RERE: variants seen among roughly 807,000 people sequenced by gnomAD.
RERE encodes the protein arginine-glutamic acid dipeptide repeats protein.
In RERE, 40 loss-of-function variants were observed where a neutral mutation model predicts 146.1. The observed-to-expected ratio is 0.27, with a 90% CI of 0.21 to 0.36. The LOEUF is 0.36. Among genes scored for constraint, RERE ranks in the 10% least tolerant of loss-of-function variants. RERE has a pLI of 1.00. For missense variants in RERE, 1,933 were observed against 2,138.7 expected (o/e 0.90, Z 1.90); for synonymous variants, 1,003 against 866.0 (o/e 1.16, Z -2.78).
At chr1:8,735,711 G>A (rs758367604) in intron 1 of RERE, among the ~76,000 whole-genome samples, 9 of 152,004 alleles carry the variant, frequency 5.9e-5, no homozygotes, top group African/African-American at 2.2e-4. Flanking sequence ...CCATCCCCTC[G>A]GTGCGAAGTT....
chr1:8,378,710 T>C (rs910832204), intron 12 of RERE, among the ~76,000 whole-genome samples: 4 of 152,220 alleles, frequency 2.6e-5, no homozygotes, highest in Non-Finnish European at 4.4e-5. Flanking sequence ...AAATAAGTTC[T>C]GTTGCTGAAG....
intron 4 of RERE, among the ~76,000 whole-genome samples, chr1:8,592,518 C>T (rs894119508): frequency 2.0e-5 from 3 of 152,032 alleles, no homozygotes; most frequent in South Asian, 2.1e-4. Flanking sequence ...GTGATCCACC[C>T]GCTTCGGCCT....
intron 11 of RERE, among the ~76,000 whole-genome samples, chr1:8,448,864 CAAAA>C (rs200550198): frequency 7.3e-6 from 1 of 137,178 alleles, no homozygotes; most frequent in Non-Finnish European, 1.6e-5. Flanking sequence ...AATAAACAAA[CAAAA>C]AAAAAAAAGG....
At chr1:8,537,800 G>T (rs1557677845) in intron 7 of RERE, among the ~76,000 whole-genome samples, 1 of 151,448 alleles carries the variant, frequency 6.6e-6, no homozygotes. Context: ...TAATCCATCA[G>T]GAACAAAAAA....
At chr1:8,376,770 A>G (rs1177563029) in intron 12 of RERE, among the ~76,000 whole-genome samples, 1 of 152,268 alleles carries the variant, frequency 6.6e-6, no homozygotes, top group Non-Finnish European at 1.5e-5. Flanking sequence ...AGATGTTTGC[A>G]TACACCTACT....
At chr1:8,731,449 G>C (rs139906708) in intron 1 of RERE, among the ~76,000 whole-genome samples, 1 of 152,248 alleles carries the variant, frequency 6.6e-6, no homozygotes, top group African/African-American at 2.4e-5. Flanking sequence ...CTCACAGAAG[G>C]GGTGAGGGGA....
At chr1:8,526,476 TA>T (rs1645572804) in intron 7 of RERE, among the ~76,000 whole-genome samples, 1 of 152,134 alleles carries the variant, frequency 6.6e-6, no homozygotes, top group African/African-American at 2.4e-5. Flanking sequence ...TTTGAAACTC[TA>T]AACATTTTGA....
chr1:8,696,855 A>C (rs1355919311), intron 1 of RERE, among the ~76,000 whole-genome samples: 1 of 152,172 alleles, frequency 6.6e-6, no homozygotes, highest in Non-Finnish European at 1.5e-5. Flanking sequence ...GATTATAGAG[A>C]GCTGAGATTG....
intron 15 of RERE, 98 bp downstream of exon 15, chr1:8,363,958 A>G: frequency 8.8e-7 from 1 of 1,138,728 alleles, no homozygotes; most frequent in Admixed American, 2.0e-5. Context: ...TGTCTGGTAA[A>G]CAAGACTTTC....
intron 3 of RERE, among the ~76,000 whole-genome samples, chr1:8,616,007 C>G (rs1455523063): frequency 6.6e-6 from 1 of 152,156 alleles, no homozygotes; most frequent in East Asian, 1.9e-4. Context: ...TCACCACACA[C>G]CTTCTCCCCA....
chr1:8,621,666 C>A (rs1456920584), intron 3 of RERE, among the ~76,000 whole-genome samples: 1 of 152,232 alleles, frequency 6.6e-6, no homozygotes, highest in Non-Finnish European at 1.5e-5. Flanking sequence ...AATTACTCAA[C>A]ATTTCAAAGC....
intron 1 of RERE, among the ~76,000 whole-genome samples, chr1:8,767,676 C>CT (rs539600062): frequency 1.1e-3 from 121 of 108,474 alleles, no homozygotes; most frequent in African/African-American, 3.6e-3. Context: ...AAAAAGCTTT[C>CT]TTTATTAAAA....
At chr1:8,422,672 G>A (rs1326753667) in intron 12 of RERE, 55 bp downstream of exon 12, 1 of 1,263,360 alleles carries the variant, frequency 7.9e-7, no homozygotes, top group Non-Finnish European at 1.2e-6. Context: ...AATGTGGAGA[G>A]GCAGCAGGAG....
At chr1:8,512,381 T>A (rs928368957) in intron 7 of RERE, among the ~76,000 whole-genome samples, 9 of 151,962 alleles carry the variant, frequency 5.9e-5, no homozygotes, top group Non-Finnish European at 1.2e-4. Flanking sequence ...ATGACTACAT[T>A]TTGTCTTTTA....
At chr1:8,580,217 A>G (rs536764300) in intron 4 of RERE, among the ~76,000 whole-genome samples, 1 of 152,344 alleles carries the variant, frequency 6.6e-6, no homozygotes, top group East Asian at 1.9e-4. Flanking sequence ...TTACATGAAG[A>G]AAGAATTCCA....
At chr1:8,634,897 G>A (rs1284797711) in intron 2 of RERE, among the ~76,000 whole-genome samples, 2 of 151,986 alleles carry the variant, frequency 1.3e-5, no homozygotes, top group East Asian at 1.9e-4. Context: ...CACCACGCCC[G>A]GCTAATTTTT....
chr1:8,652,448 T>C (rs1647676470), intron 2 of RERE, among the ~76,000 whole-genome samples: 1 of 152,212 alleles, frequency 6.6e-6, no homozygotes. Flanking sequence ...TCACATATTC[T>C]TCCAGACTCA....
At chr1:8,444,895 G>A (rs1026665800) in intron 11 of RERE, among the ~76,000 whole-genome samples, 2 of 149,986 alleles carry the variant, frequency 1.3e-5, no homozygotes, top group Non-Finnish European at 3.0e-5. Flanking sequence ...AGAACTGTGC[G>A]CCAATTAAAC....
chr1:8,739,648 G>A (rs1358594071), intron 1 of RERE, among the ~76,000 whole-genome samples: 3 of 152,020 alleles, frequency 2.0e-5, no homozygotes. Flanking sequence ...ATACTTCGAG[G>A]TGAGAAGCAA....
Sources: gnomAD v4.1 joint callset for allele counts (sites outside exome capture counted in the v4.1 genomes callset) on GRCh38, gnomAD v4.1.1 for gene constraint, MANE v1.5 for transcripts, NCBI Gene and HGNC (gene_info 2026-07-23, HGNC 2026-07-21) for gene names.